The following ATAD2 variants were observed in gnomAD, a reference collection of about 807,000 sequenced individuals.
The protein encoded by ATAD2 is ATPase family AAA domain containing 2.
In ATAD2, 62 loss-of-function variants were observed where a neutral mutation model predicts 168.9. The ratio of observed to expected loss-of-function variants is 0.37; its 90% confidence interval spans 0.30 to 0.45. The LOEUF (loss-of-function observed/expected upper bound fraction) is 0.45, where lower values mean the gene tolerates loss of function less well. Ranked by LOEUF, ATAD2 falls within the 20% of genes least tolerant of loss-of-function variation. The probability of loss-of-function intolerance (pLI) is 1.00; values close to 1 mark genes in which losing one functional copy is unlikely to be tolerated. For missense variants in ATAD2, 1,419 were observed against 1,667.8 expected (o/e 0.85, Z 2.60); for synonymous variants, 613 against 571.6 (o/e 1.07, Z -1.03).
intron 25 of ATAD2, among the ~76,000 whole-genome samples, chr8:123,327,054 G>A (rs569102717): frequency 6.4e-4 from 98 of 152,152 alleles, no homozygotes; most frequent in Non-Finnish European, 9.7e-4. Flanking sequence ...GACTACAGGC[G>A]TTAGCCACCA....
intron 1 of ATAD2, among the ~76,000 whole-genome samples, chr8:123,408,888 C>T (rs1056728986): frequency 6.7e-5 from 10 of 150,364 alleles, no homozygotes; most frequent in Non-Finnish European, 1.3e-4. Context: ...AGTGCAGTGG[C>T]GCCATCTCAG....
intron 26 of ATAD2, among the ~76,000 whole-genome samples, chr8:123,324,627 C>G (rs1827556708): frequency 6.6e-6 from 1 of 152,000 alleles, no homozygotes; most frequent in South Asian, 2.1e-4. Flanking sequence ...TCAGAAAAAC[C>G]CTGAGGAGCT....
chr8:123,410,490 T>C (rs1030460902), intron 1 of ATAD2, among the ~76,000 whole-genome samples: 10 of 152,196 alleles, frequency 6.6e-5, no homozygotes, highest in Admixed American at 1.3e-4. Context: ...TTTCTCCATG[T>C]TGGTCAGGCT....
At chr8:123,378,513 C>A (rs1829389784) in intron 2 of ATAD2, among the ~76,000 whole-genome samples, 1 of 151,764 alleles carries the variant, frequency 6.6e-6, no homozygotes, top group Admixed American at 6.6e-5. Flanking sequence ...ACCAGCCTGG[C>A]CAACATGGCG....
At chr8:123,363,547 A>G (rs529460391) in intron 8 of ATAD2, among the ~76,000 whole-genome samples, 9 of 152,366 alleles carry the variant, frequency 5.9e-5, no homozygotes, top group African/African-American at 1.9e-4. Context: ...ACCCAAATAC[A>G]CCAAGACCAT....
chr8:123,377,933 T>C (rs985236895), intron 2 of ATAD2, among the ~76,000 whole-genome samples: 2 of 152,200 alleles, frequency 1.3e-5, no homozygotes, highest in Admixed American at 1.3e-4. Context: ...TTTATGGCAA[T>C]TCTCTATAAG....
At chr8:123,375,245 A>C (rs1489016833) in intron 2 of ATAD2, among the ~76,000 whole-genome samples, 2 of 152,228 alleles carry the variant, frequency 1.3e-5, no homozygotes, top group African/African-American at 4.8e-5. Flanking sequence ...TCTTCTTGAC[A>C]GAAGACATAC....
At chr8:123,403,437 T>C (rs1813033038) in intron 1 of ATAD2, among the ~76,000 whole-genome samples, 1 of 151,656 alleles carries the variant, frequency 6.6e-6, no homozygotes, top group Non-Finnish European at 1.5e-5. Context: ...TTTATTGATT[T>C]ATTTTAGAGA....
chr8:123,333,899 G>A lies in ATAD2; in HGVS notation c.3457C>T (p.Pro1153Ser), dbSNP rs970268291. Residue 1153 changes from proline (P) to serine (S), a missense_variant, in exon 24 of 28, where the codon CCT (proline) becomes TCT (serine). Pro to Ser is a moderately conservative substitution (Grantham distance 74). Transcript: ENST00000287394. ...TTACCAGGAGTGCTGCAAGCCACAG[G>A]AGTACTCGGTGTCTTTAGCTTTTCA... ...QNEKLKTPSTPVACSTPAQLK... is the reference protein window; with the variant it reads ...QNEKLKTPSTSVACSTPAQLK... The A allele has an allele frequency of 6.2e-7, 1 of 1,614,036 alleles. No homozygotes were observed. The highest frequency in any genetic ancestry group is 8.5e-7 in the Non-Finnish European group (1 of 1,179,938).
At chr8:123,386,020 C>T (rs904525353) in intron 1 of ATAD2, among the ~76,000 whole-genome samples, 1 of 81,110 alleles carries the variant, frequency 1.2e-5, no homozygotes, top group Non-Finnish European at 2.7e-5. Flanking sequence ...TGGCTACTCA[C>T]AAAAAAAAAA....
intron 1 of ATAD2, chr8:123,380,910 T>A: frequency 2.1e-6 from 1 of 468,000 alleles, no homozygotes; most frequent in East Asian, 4.0e-5. Flanking sequence ...TTATAGTTCA[T>A]AACAAGTAGT....
chr8:123,400,561 C>T (rs1004586377), upstream of ATAD2: 27 of 482,124 alleles, frequency 5.6e-5, no homozygotes, highest in Admixed American at 2.4e-4. This position sits in a 1 kb window ranked among gnomAD's most constrained non-coding sequence, Gnocchi z 4.5. Flanking sequence ...GTTGGGTCGC[C>T]GGGTCTCTGG....
At chr8:123,337,856 T>A (rs765211593) in intron 20 of ATAD2, 35 bp from the exon 21 acceptor site, 1 of 1,541,158 alleles carries the variant, frequency 6.5e-7, no homozygotes, top group South Asian at 1.3e-5. Flanking sequence ...TTACTGCTCC[T>A]CCATAACATT....
At chr8:123,361,486 A>G (rs1828820914) in intron 9 of ATAD2, 53 bp downstream of exon 9, 17 of 1,459,320 alleles carry the variant, frequency 1.2e-5, no homozygotes, top group Non-Finnish European at 1.5e-5. Context: ...TTTTCTTAGC[A>G]ATTTTTACAA....
chr8:123,322,913 A>G, intron 27 of ATAD2, 25 bp downstream of exon 27: 3 of 1,606,296 alleles, frequency 1.9e-6, no homozygotes, highest in Non-Finnish European at 2.6e-6. Context: ...GAGCATTTGT[A>G]AAAAGTTTCC....
chr8:123,367,833 G>A (rs1376043709), intron 8 of ATAD2, among the ~76,000 whole-genome samples: 1 of 152,116 alleles, frequency 6.6e-6, no homozygotes, highest in African/African-American at 2.4e-5. Flanking sequence ...GACACAAATA[G>A]TATTTTTTAT....
chr8:123,363,127 A>G (rs553210091), intron 8 of ATAD2, among the ~76,000 whole-genome samples: 1 of 152,336 alleles, frequency 6.6e-6, no homozygotes, highest in African/African-American at 2.4e-5. Flanking sequence ...TCAGAGTGCA[A>G]TGATGGTAAG....
chr8:123,378,899 C>G (rs1006560755), intron 2 of ATAD2, among the ~76,000 whole-genome samples: 1 of 151,656 alleles, frequency 6.6e-6, no homozygotes, highest in Non-Finnish European at 1.5e-5. Context: ...TCAAGTGATC[C>G]TCCTGCCTCA....
chr8:123,359,577 T>A lies in ATAD2; in HGVS notation c.1266A>T (p.Ser422=). 1.9e-6 allele frequency: 3 copies of A among 1,605,124 alleles called. No homozygotes were observed. The highest frequency in any genetic ancestry group is 2.6e-6 in the Non-Finnish European group (3 of 1,172,922). ...ADVDPMQLDS[S]VRFDSVGGLS... ...ATATGTTTCAAAACAGAGTACTCAC[T>A]GAAGAATCTAGTTGCATTGGATCAA... The change falls in exon 10 of 28, where the codon TCA becomes TCT. Residue 422 remains serine (S), a splice_region_variant and synonymous_variant. Coordinates refer to ENST00000287394, the MANE Select transcript of ATAD2 (RefSeq NM_014109.4).
Sources: allele counts gnomAD v4.1 joint callset (sites outside exome capture counted in the v4.1 genomes callset), GRCh38; gene constraint gnomAD v4.1.1; non-coding constraint Gnocchi (gnomAD v3.1); transcripts MANE v1.5; gene names NCBI Gene and HGNC (gene_info 2026-07-23, HGNC 2026-07-21).